The following CPA6 variants were observed in gnomAD, a reference collection of about 807,000 sequenced individuals.
CPA6 encodes carboxypeptidase A6, also known as carboxypeptidase B.
A neutral mutation model predicts 63.3 loss-of-function variants in CPA6; 58 were observed. The observed-to-expected ratio is 0.92, with a 90% CI of 0.74 to 1.14. CPA6 has a LOEUF of 1.14. Ranked by LOEUF, CPA6 falls within the 50% of genes most tolerant of loss-of-function variation. The pLI, the probability that CPA6 is intolerant of heterozygous loss-of-function variation, is 0.00. For missense variants in CPA6, 565 were observed against 526.6 expected, an observed-to-expected ratio of 1.07 and a Z score of -0.71; for synonymous variants, 185 against 179.0, an observed-to-expected ratio of 1.03 and a Z score of -0.27.
At chr8:67,613,117 T>A (rs532992827) in intron 2 of CPA6, among the ~76,000 whole-genome samples, 1 of 152,190 alleles carries the variant, frequency 6.6e-6, no homozygotes, top group Non-Finnish European at 1.5e-5. Flanking sequence ...ACTTCCTCCA[T>A]AAAACTTCGT....
chr8:67,667,246 G>C (rs1816251037), intron 1 of CPA6, among the ~76,000 whole-genome samples: 1 of 152,088 alleles, frequency 6.6e-6, no homozygotes, highest in Non-Finnish European at 1.5e-5. Context: ...TTTCGGATTG[G>C]GGTGAAGGCT....
At chr8:67,685,355 T>C (rs1184929501) in intron 1 of CPA6, among the ~76,000 whole-genome samples, 10 of 152,154 alleles carry the variant, frequency 6.6e-5, no homozygotes, top group Admixed American at 6.5e-4. Flanking sequence ...CAGTGGCTCA[T>C]GTCTGTAATC....
intron 1 of CPA6, among the ~76,000 whole-genome samples, chr8:67,741,646 C>T (rs1247600983): frequency 3.3e-5 from 5 of 152,072 alleles, no homozygotes; most frequent in African/African-American, 1.2e-4. Flanking sequence ...TGTGAACTAC[C>T]CATGCGAGGG....
At chr8:67,579,050 C>T (rs185204224) in intron 2 of CPA6, among the ~76,000 whole-genome samples, 136 of 152,280 alleles carry the variant, frequency 8.9e-4, no homozygotes, top group African/African-American at 3.1e-3. Context: ...ATTTAAACAA[C>T]GTAAATTAAA....
At chr8:67,599,237 G>A (rs770782401) in intron 2 of CPA6, among the ~76,000 whole-genome samples, 1 of 152,172 alleles carries the variant, frequency 6.6e-6, no homozygotes, top group Non-Finnish European at 1.5e-5. Context: ...AACTGACTAC[G>A]TTAGTCCATT....
rs568390264 is a variant in CPA6 at position 67,499,437 on chromosome 8, T to C, written c.636+7350A>G. Among the ~76,000 whole-genome samples, 77 of 152,328 alleles carry C rather than the reference T, an allele frequency of 5.1e-4. 1 individual carries two copies. In the South Asian group the frequency reaches 0.016, roughly 32 times the overall value. On this transcript the variant is annotated intron_variant, in intron 6 of 10. Coordinates refer to ENST00000297770, the MANE Select transcript of CPA6 (RefSeq NM_020361.5). ...ATTATTTTTATAATAAACTTCTGAT[T>C]TGGAGATAAATTAGGGTCCACATGT...
chr8:67,692,600 T>C (rs1365250376), intron 1 of CPA6, among the ~76,000 whole-genome samples: 1 of 152,240 alleles, frequency 6.6e-6, no homozygotes, highest in Non-Finnish European at 1.5e-5. Context: ...TATGTGTAAA[T>C]CATGTCTTCC....
intron 6 of CPA6, among the ~76,000 whole-genome samples, chr8:67,503,278 G>A (rs1028365843): frequency 2.0e-5 from 3 of 150,646 alleles, no homozygotes; most frequent in African/African-American, 4.9e-5. Flanking sequence ...ATCTCAAGTG[G>A]CCCACCTGCC....
At chr8:67,608,048 C>A (rs562135771) in intron 2 of CPA6, among the ~76,000 whole-genome samples, 26 of 152,244 alleles carry the variant, frequency 1.7e-4, no homozygotes, top group Non-Finnish European at 3.2e-4. Flanking sequence ...CCTGTTTTTA[C>A]TGTTATCCAG....
At chr8:67,721,540 A>T (rs1272260901) in intron 1 of CPA6, among the ~76,000 whole-genome samples, 1 of 152,206 alleles carries the variant, frequency 6.6e-6, no homozygotes. Flanking sequence ...AACAAAGTAT[A>T]TGCATTGTAG....
chr8:67,680,325 G>A (rs1293999112), intron 1 of CPA6, among the ~76,000 whole-genome samples: 1 of 151,936 alleles, frequency 6.6e-6, no homozygotes. Flanking sequence ...AACATTGGGA[G>A]ACCCCATTTC....
Position 67,689,272 on chromosome 8 carries a change from T to A in CPA6, c.116+56742A>T, listed in dbSNP as rs2380430. On this transcript the variant is annotated intron_variant, in intron 1 of 10. Coordinates refer to ENST00000297770, the MANE Select transcript of CPA6 (RefSeq NM_020361.5). The stretch of plus-strand genomic sequence containing the variant: ...TAGAACTTCAGATATAAACTTCTTC[T>A]TCAAAAAAATTCCACTTTTATTTTA... Among the ~76,000 whole-genome samples, 42 of 51,014 alleles carry A rather than the reference T, an allele frequency of 8.2e-4. No homozygotes were observed. In the African/African-American group the frequency reaches 0.015, roughly 18 times the overall value. 33.5% of individuals were successfully genotyped at this position (51,014 alleles called of 152,430 possible). A position where few individuals can be genotyped will look rare whatever the true frequency, so the allele number is the denominator to read the frequency against.
At chr8:67,610,172 C>T (rs577108417) in intron 2 of CPA6, among the ~76,000 whole-genome samples, 4 of 152,150 alleles carry the variant, frequency 2.6e-5, no homozygotes, top group Admixed American at 6.5e-5. Flanking sequence ...CCCAGAAGTT[C>T]GAGACCAACC....
At chr8:67,643,765 C>T (rs933084397) in intron 1 of CPA6, among the ~76,000 whole-genome samples, 41 of 152,250 alleles carry the variant, frequency 2.7e-4, no homozygotes, top group African/African-American at 9.4e-4. Flanking sequence ...TACTTATTTA[C>T]ATATGAAATT....
intron 1 of CPA6, among the ~76,000 whole-genome samples, chr8:67,708,453 T>C (rs1817185543): frequency 6.6e-6 from 1 of 152,226 alleles, no homozygotes; most frequent in Non-Finnish European, 1.5e-5. Flanking sequence ...ACCCTACTTA[T>C]TCCTTTGAAC....
Position 67,746,056 on chromosome 8 carries a change from A to G in CPA6, c.74T>C (p.Leu25Pro). Residue 25 changes from leucine to proline, a missense_variant, in exon 1 of 11, where the codon CTG becomes CCG. By Grantham distance (98) the Leu-to-Pro change is moderately conservative (BLOSUM62 -3). Coordinates refer to ENST00000297770, the MANE Select transcript of CPA6 (RefSeq NM_020361.5). Reference sequence around the variant, plus strand: ...ATAAAGGTGGCTGTGCCCCGGTTGCAGAATCTTCAAAAAGAGCCAGCAAAG... The same window carrying G: ...ATAAAGGTGGCTGTGCCCCGGTTGCGGAATCTTCAAAAAGAGCCAGCAAAG... Reference protein sequence around the residue: ...LPLCWLFLKILQPGHSHLYNN... With the variant: ...LPLCWLFLKIPQPGHSHLYNN... 6.2e-7 allele frequency: 1 copy of G among 1,613,994 alleles called. No homozygotes were observed. Among genetic ancestry groups the G allele is most frequent in the Middle Eastern group, 1.7e-4 (1 of 6,060 alleles).
intron 1 of CPA6, among the ~76,000 whole-genome samples, chr8:67,656,955 G>A (rs188273360): frequency 6.6e-5 from 10 of 152,242 alleles, no homozygotes; most frequent in South Asian, 4.2e-4. Flanking sequence ...GCAGTACGAT[G>A]CCATTTTCTC....
At chr8:67,591,395 T>C (rs1314943596) in intron 2 of CPA6, among the ~76,000 whole-genome samples, 1 of 152,198 alleles carries the variant, frequency 6.6e-6, no homozygotes, top group Admixed American at 6.5e-5. Flanking sequence ...ATATGAACTT[T>C]AAAGTAGTTT....
At chr8:67,628,458 G>A (rs578029138) in intron 1 of CPA6, among the ~76,000 whole-genome samples, 1 of 152,270 alleles carries the variant, frequency 6.6e-6, no homozygotes, top group African/African-American at 2.4e-5. Flanking sequence ...CAGAATTTAC[G>A]AACCTACACT....
Sources: gnomAD v4.1 joint callset for allele counts (sites outside exome capture counted in the v4.1 genomes callset) on GRCh38, gnomAD v4.1.1 for gene constraint, MANE v1.5 for transcripts, NCBI Gene and HGNC (gene_info 2026-07-23, HGNC 2026-07-21) for gene names.